The following TMEM64 variants were observed in gnomAD, a reference collection of about 807,000 sequenced individuals.
TMEM64 encodes transmembrane protein 64.
In TMEM64, 19 loss-of-function variants were observed where a neutral mutation model predicts 24.5. The ratio of observed to expected loss-of-function variants is 0.78; its 90% confidence interval spans 0.54 to 1.14. The LOEUF (loss-of-function observed/expected upper bound fraction) is 1.14. Ranked by LOEUF, TMEM64 falls within the 50% of genes most tolerant of loss-of-function variation. TMEM64 has a pLI of 0.00. For missense variants in TMEM64, 487 were observed against 493.0 expected (o/e 0.99, Z 0.12); for synonymous variants, 262 against 224.7 (o/e 1.17, Z -1.49).
Position 90,645,888 on chromosome 8 carries a change from C to T in TMEM64, c.18G>A (p.Gly6=), listed in dbSNP as rs1279983137. 7 of 1,139,330 alleles carry T rather than the reference C, an allele frequency of 6.1e-6. No homozygotes were observed. The highest frequency in any genetic ancestry group is 4.9e-5 in the Admixed American group (1 of 20,586). 70.6% of individuals were successfully genotyped at this position (1,139,330 alleles called of 1,614,324 possible). ...GCCGGGGCAGCGCCTGGAGCAGGAT[C>T]CCGCCCGGGCTCCGCATGCCTCGGC... is the stretch of plus-strand genomic sequence containing the variant. MRSPG[G]ILLQALPRLL... is the part of the protein sequence containing the mutation. Residue 6 remains glycine (G), a synonymous_variant, in exon 1 of 3, where the codon GGG becomes GGA. Transcript: ENST00000458549. The surrounding 1 kb of genome is among the most constrained non-coding windows in gnomAD (Gnocchi z 4.2).
chr8:90,643,396 A>C (rs920227009), intron 1 of TMEM64, among the ~76,000 whole-genome samples: 1 of 152,220 alleles, frequency 6.6e-6, no homozygotes, highest in African/African-American at 2.4e-5. Context: ...CAAATAAGAA[A>C]CTGAAGCCCA....
rs759950919 is a variant in TMEM64, at chr8:90,625,914, G to T, written c.952-52C>A. 1.0e-5 allele frequency: 14 copies of T among 1,342,366 alleles called. No homozygotes were observed. In the South Asian group the frequency reaches 1.4e-4, roughly 14 times the overall value. 83.2% of individuals were successfully genotyped at this position (1,342,366 alleles called of 1,614,324 possible). A position where few individuals can be genotyped will look rare whatever the true frequency, so the allele number is the denominator to read the frequency against. On this transcript the variant is annotated intron_variant, in intron 2 of 2. Transcript: ENST00000458549. ...TTATCAATATTTTATACAAAAAAAA[G>T]AAATAAATCCAATAAATATTTGGCT...
chr8:90,626,557 G>A (rs910648410), intron 2 of TMEM64, among the ~76,000 whole-genome samples: 1 of 151,544 alleles, frequency 6.6e-6, no homozygotes, highest in African/African-American at 2.4e-5. Flanking sequence ...CTAGTGATGT[G>A]TGATTTAGGG....
rs1563452894 is a variant in TMEM64 at position 90,645,034 on chromosome 8, G to A, written c.795+77C>T. Reference sequence around the variant, plus strand: ...CTTCTCTGCTGGTATTTATCTGATAGAGCGCCCTCCTAGGGCCGCCACAAG... The same window carrying A: ...CTTCTCTGCTGGTATTTATCTGATAAAGCGCCCTCCTAGGGCCGCCACAAG... On this transcript the variant is annotated intron_variant, in intron 1 of 2. Coordinates refer to ENST00000458549, the MANE Select transcript of TMEM64 (RefSeq NM_001008495.4). This position sits in a 1 kb window ranked among gnomAD's most constrained non-coding sequence, Gnocchi z 4.2. 1 of 1,439,874 alleles carries A rather than the reference G, an allele frequency of 6.9e-7. No individual in the cohort carries two copies. The highest frequency in any genetic ancestry group is 2.2e-5 in the Admixed American group (1 of 46,446). 89.2% of individuals were successfully genotyped at this position (1,439,874 alleles called of 1,614,324 possible).
intron 1 of TMEM64, among the ~76,000 whole-genome samples, chr8:90,640,821 C>T (rs577676920): frequency 4.8e-4 from 73 of 152,222 alleles, no homozygotes; most frequent in Non-Finnish European, 7.4e-4. Flanking sequence ...CACAGCTCCC[C>T]GGCTCCCTCC....
chr8:90,632,561 A>T (rs553193327), intron 1 of TMEM64, among the ~76,000 whole-genome samples: 26 of 152,222 alleles, frequency 1.7e-4, no homozygotes, highest in Non-Finnish European at 3.8e-4. Flanking sequence ...TGACCTTGTG[A>T]TCCGCCTGCC....
At chr8:90,628,468 G>T (rs1372736719) in intron 2 of TMEM64, among the ~76,000 whole-genome samples, 1 of 152,184 alleles carries the variant, frequency 6.6e-6, no homozygotes, top group Non-Finnish European at 1.5e-5. Flanking sequence ...AACAGCAGGG[G>T]AGTGAGAAGA....
Position 90,645,664 on chromosome 8 carries a change from A to G in TMEM64, c.242T>C (p.Leu81Pro). The G allele has an allele frequency of 1.3e-6, 2 of 1,520,792 alleles. No individual in the cohort carries two copies. Among genetic ancestry groups the G allele is most frequent in the Non-Finnish European group, 1.8e-6 (2 of 1,140,238 alleles). 94.2% of individuals were successfully genotyped at this position (1,520,792 alleles called of 1,614,324 possible). Residue 81 changes from leucine to proline, a missense_variant, in exon 1 of 3, where the codon CTG (leucine) becomes CCG (proline). By Grantham distance (98) the Leu-to-Pro change is moderately conservative (BLOSUM62 -3). This residue lies in a region of TMEM64 where 419 missense variants were observed against 407.5 expected (regional missense o/e 1.03). Coordinates refer to ENST00000458549, the MANE Select transcript of TMEM64 (RefSeq NM_001008495.4). This position sits in a 1 kb window ranked among gnomAD's most constrained non-coding sequence, Gnocchi z 4.2. ...ERHGPPEASE[L>P]PEPGGALAGG... ...CGCCAAGGCCCCGCCCGGCTCCGGC[A>G]GCTCCGAAGCCTCGGGCGGACCGTG...
At chr8:90,630,050 A>C (rs1004730275) in intron 2 of TMEM64, among the ~76,000 whole-genome samples, 2 of 152,212 alleles carry the variant, frequency 1.3e-5, no homozygotes, top group African/African-American at 4.8e-5. Context: ...ACAAGTTAAA[A>C]GACCAGTAAG....
intron 2 of TMEM64, among the ~76,000 whole-genome samples, chr8:90,626,629 CTTT>C (rs34029067): frequency 9.5e-5 from 10 of 105,810 alleles, no homozygotes; most frequent in Admixed American, 3.1e-4. Context: ...TTTTTTCTTT[CTTT>C]TTTTTTTTTT....
In TMEM64 at chr8:90,631,658, A is replaced by T; in HGVS notation, c.845T>A (p.Leu282Gln). ...PNYLMASSVG[L>Q]LPTQLLNSYL... is the part of the protein sequence containing the mutation. ...AGAATTCAGAAGCTGGGTAGGAAGC[A>T]GTCCAACCGAAGATGCCATCAGATA... The change falls in exon 2 of 3, where the codon CTG (leucine) becomes CAG (glutamine). Residue 282 changes from leucine (L) to glutamine (Q), a missense_variant. Around this residue, in one of 3 missense-constraint regions of TMEM64, gnomAD observed 419 missense variants for 407.5 expected, o/e 1.03. Transcript: ENST00000458549. 1 of 1,613,804 alleles carries T rather than the reference A, an allele frequency of 6.2e-7. No individual in the cohort carries two copies. Among genetic ancestry groups the T allele is most frequent in the Non-Finnish European group, 8.5e-7 (1 of 1,179,698 alleles).
At chr8:90,627,525 T>C (rs1809377080) in intron 2 of TMEM64, among the ~76,000 whole-genome samples, 1 of 152,080 alleles carries the variant, frequency 6.6e-6, no homozygotes, top group Non-Finnish European at 1.5e-5. Context: ...ACATGCTGAA[T>C]TCGAGGTGCC....
chr8:90,625,803 A>G lies in TMEM64; in HGVS notation c.1011T>C (p.Asn337=), dbSNP rs200148455. The G allele has an allele frequency of 3.2e-4, 524 of 1,613,880 alleles. No homozygotes were observed. The highest frequency in any genetic ancestry group is 4.3e-4 in the Non-Finnish European group (503 of 1,179,928). The change falls in exon 3 of 3, where the codon AAT becomes AAC. Residue 337 remains asparagine, a synonymous_variant. Transcript: ENST00000458549. ...CCATTTCACAAGCTACAATAGCTGC[A>G]TTCAATTCCACTTGAGCTCGATGAA... ...YVVHRAQVEL[N]AAIVACEMEL...
Position 90,645,197 on chromosome 8 carries a change from C to G in TMEM64, c.709G>C (p.Val237Leu). 2.5e-6 allele frequency: 4 copies of G among 1,614,196 alleles called. No homozygotes were observed. Among genetic ancestry groups the G allele is most frequent in the Non-Finnish European group, 3.4e-6 (4 of 1,180,030 alleles). Reference protein sequence around the residue: ...SSEKLSAVIRVVEGGSGLKVV... With the variant: ...SSEKLSAVIRLVEGGSGLKVV... Reference sequence around the variant, plus strand: ...TTCAGGCCGCTTCCTCCCTCCACTACGCGAATAACCGCGCTCAGCTTCTCG... The same window carrying G: ...TTCAGGCCGCTTCCTCCCTCCACTAGGCGAATAACCGCGCTCAGCTTCTCG... Residue 237 changes from valine to leucine, a missense_variant, in exon 1 of 3, where the codon GTA (valine) becomes CTA (leucine). Coordinates refer to ENST00000458549, the MANE Select transcript of TMEM64 (RefSeq NM_001008495.4). This position sits in a 1 kb window ranked among gnomAD's most constrained non-coding sequence, Gnocchi z 4.2.
chr8:90,629,742 GA>G (rs34794700), intron 2 of TMEM64, among the ~76,000 whole-genome samples: 5 of 151,694 alleles, frequency 3.3e-5, no homozygotes, highest in African/African-American at 4.8e-5. Context: ...TAGCTCTGGG[GA>G]AAAAAAGTAA....
chr8:90,645,538 A>G lies in TMEM64; in HGVS notation c.368T>C (p.Leu123Pro). The change falls in exon 1 of 3, where the codon CTC becomes CCC. Residue 123 changes from leucine to proline, a missense_variant. Physicochemically the swap from Leu to Pro is moderately conservative, Grantham distance 98. This residue lies in a region of TMEM64 where 419 missense variants were observed against 407.5 expected (regional missense o/e 1.03). Transcript: ENST00000458549. This position sits in a 1 kb window ranked among gnomAD's most constrained non-coding sequence, Gnocchi z 4.2. ...CLGSTCWCRS[L>P]VLVCVLAALC... Reference sequence around the variant, plus strand: ...GGCGGCCAACACGCAGACCAGCACGAGGCTCCGGCACCAACAGGTGCTGCC... The same window carrying G: ...GGCGGCCAACACGCAGACCAGCACGGGGCTCCGGCACCAACAGGTGCTGCC... 6.5e-7 allele frequency: 1 copy of G among 1,548,564 alleles called. No individual in the cohort carries two copies. Among genetic ancestry groups the G allele is most frequent in the Non-Finnish European group, 8.7e-7 (1 of 1,146,924 alleles).
At chr8:90,638,629 G>A (rs551333323) in intron 1 of TMEM64, among the ~76,000 whole-genome samples, 3 of 152,230 alleles carry the variant, frequency 2.0e-5, no homozygotes, top group South Asian at 4.1e-4. Context: ...CTTAACAAAT[G>A]CCTACTATAT....
chr8:90,632,423 T>C (rs1809453190), intron 1 of TMEM64, among the ~76,000 whole-genome samples: 1 of 152,052 alleles, frequency 6.6e-6, no homozygotes, highest in Non-Finnish European at 1.5e-5. Flanking sequence ...CCCCGGTTCA[T>C]GCCATTCTCC....
chr8:90,639,553 GA>G (rs2130508071), intron 1 of TMEM64, among the ~76,000 whole-genome samples: 1 of 152,088 alleles, frequency 6.6e-6, no homozygotes, highest in South Asian at 2.1e-4. Flanking sequence ...ATATATCTAA[GA>G]CCCAGTTCTA....
Sources: allele counts gnomAD v4.1 joint callset (sites outside exome capture counted in the v4.1 genomes callset), GRCh38; gene constraint gnomAD v4.1.1; regional missense constraint gnomAD v4.1.1; non-coding constraint Gnocchi (gnomAD v3.1); transcripts MANE v1.5; gene names NCBI Gene and HGNC (gene_info 2026-07-23, HGNC 2026-07-21).